The following NHSL1 variants were observed in gnomAD, a reference collection of about 807,000 sequenced individuals.
NHSL1 encodes NHS like 1, also known as NHS-like protein 1.
NHSL1 carries 48 observed loss-of-function variants against 95.0 expected under a neutral mutation model. The ratio of observed to expected loss-of-function variants is 0.51; its 90% confidence interval spans 0.40 to 0.64. The LOEUF is 0.64. Among genes scored for constraint, NHSL1 ranks in the 30% least tolerant of loss-of-function variants. The pLI is 0.00. For synonymous variants in NHSL1, 783 were observed against 833.9 expected (o/e 0.94, Z 1.05); for missense variants, 1,971 against 2,077.7 (o/e 0.95, Z 1.00).
intron 1 of NHSL1, among the ~76,000 whole-genome samples, chr6:138,666,060 T>C (rs1403491539): frequency 6.6e-6 from 1 of 152,236 alleles, no homozygotes; most frequent in East Asian, 1.9e-4. Context: ...TCCCAGCACT[T>C]TGGGAGGCCA....
At chr6:138,649,356 T>C (rs1376847078) in intron 1 of NHSL1, among the ~76,000 whole-genome samples, 1 of 151,966 alleles carries the variant, frequency 6.6e-6, no homozygotes, top group Non-Finnish European at 1.5e-5. Context: ...TGAAACTTGA[T>C]ACTCTATGGA....
chr6:138,621,877 G>C (rs1469381931), intron 1 of NHSL1, among the ~76,000 whole-genome samples: 3 of 152,180 alleles, frequency 2.0e-5, no homozygotes, highest in Middle Eastern at 3.2e-3. Flanking sequence ...CCCTAGCAAG[G>C]AGGCAGCACT....
rs1320201452 is a variant in NHSL1, at chr6:138,432,581, G to C, written c.1764C>G (p.Asp588Glu). Reference protein sequence around the residue: ...PTSNMSSCSLDQTSNKEDAGS... With the variant: ...PTSNMSSCSLEQTSNKEDAGS... ...CAGCATCCTCTTTGTTGGACGTTTGGTCCAAACTGCAGCTGCTCATGTTAC... is the reference window on the plus strand; with the variant it reads ...CAGCATCCTCTTTGTTGGACGTTTGCTCCAAACTGCAGCTGCTCATGTTAC... Residue 588 changes from aspartate to glutamate, a missense_variant, in exon 6 of 8, where the codon GAC becomes GAG. This residue lies in a region of NHSL1 where 1,602 missense variants were observed against 1,654.5 expected (regional missense o/e 0.97). Coordinates refer to ENST00000343505, the MANE Select transcript of NHSL1 (RefSeq NM_001144060.2). This position sits in a 1 kb window ranked among gnomAD's most constrained non-coding sequence, Gnocchi z 4.4. The C allele has an allele frequency of 1.3e-6, 2 of 1,551,876 alleles. No homozygotes were observed. The highest frequency in any genetic ancestry group is 3.9e-5 in the Admixed American group (2 of 51,012).
At chr6:138,482,362 C>T (rs1779468843) in intron 2 of NHSL1, among the ~76,000 whole-genome samples, 1 of 149,302 alleles carries the variant, frequency 6.7e-6, no homozygotes, top group African/African-American at 2.5e-5. Flanking sequence ...AGGAGAATTG[C>T]TTGAACCCGG....
chr6:138,674,007 T>G (rs529443519), intron 1 of NHSL1, among the ~76,000 whole-genome samples: 1 of 152,362 alleles, frequency 6.6e-6, no homozygotes, highest in East Asian at 1.9e-4. Context: ...TTGAATGTTT[T>G]CTTGTATTTT....
intron 7 of NHSL1, among the ~76,000 whole-genome samples, chr6:138,428,657 G>T (rs1286181506): frequency 6.6e-6 from 1 of 152,196 alleles, no homozygotes; most frequent in Non-Finnish European, 1.5e-5. Context: ...GTTTCAGGTA[G>T]GTACAGCACT....
chr6:138,676,398 C>T (rs1237285738), intron 1 of NHSL1, among the ~76,000 whole-genome samples: 4 of 151,574 alleles, frequency 2.6e-5, no homozygotes, highest in African/African-American at 9.7e-5. Flanking sequence ...TTAAAATACA[C>T]TCAGAAAAAA....
intron 1 of NHSL1, among the ~76,000 whole-genome samples, chr6:138,635,172 A>G (rs553200042): frequency 1.3e-5 from 2 of 152,246 alleles, no homozygotes; most frequent in African/African-American, 4.8e-5. Flanking sequence ...AAGAAAAGAA[A>G]TAATAAAAGA....
Position 138,432,352 on chromosome 6 carries a change from A to G in NHSL1, c.1993T>C (p.Leu665=). 1 of 1,551,688 alleles carries G rather than the reference A, an allele frequency of 6.4e-7. No homozygotes were observed. The highest frequency in any genetic ancestry group is 8.7e-7 in the Non-Finnish European group (1 of 1,147,016). The change falls in exon 6 of 8, where the codon TTG becomes CTG. Residue 665 remains leucine (L), a synonymous_variant. Transcript: ENST00000343505. The surrounding 1 kb of genome is among the most constrained non-coding windows in gnomAD (Gnocchi z 4.4). ...AGGGGAGGCTTCTTTGCTTTCTTCAAAGAGATGTTTCTTGATAGGGATTTA... is the reference window on the plus strand; with the variant it reads ...AGGGGAGGCTTCTTTGCTTTCTTCAGAGAGATGTTTCTTGATAGGGATTTA... ...QDKSLSRNIS[L]KKAKKPPLPP...
chr6:138,692,202 A>C lies in NHSL1; in HGVS notation c.96+274T>G, dbSNP rs1346331757. 2.2e-6 allele frequency: 1 copy of C among 456,730 alleles called. No individual in the cohort carries two copies. Among genetic ancestry groups the C allele is most frequent in the African/African-American group, 2.0e-5 (1 of 50,200 alleles). The allele number at this position is 456,730 out of a possible 1,614,324, so 28.3% of individuals were successfully genotyped here. ...CAAACAGACAGACACAGACAGACAG[A>C]AGGAGCAGACAAGGGGACTGTCCAA... On this transcript the variant is annotated intron_variant, in intron 1 of 3. Coordinates refer to the NHSL1 transcript ENST00000491526. This position sits in a 1 kb window ranked among gnomAD's most constrained non-coding sequence, Gnocchi z 4.0.
At chr6:138,639,886 C>CT (rs35629338) in intron 1 of NHSL1, among the ~76,000 whole-genome samples, 25,803 of 123,132 alleles carry the variant, frequency 0.21, 2,554 homozygotes, top group South Asian at 0.27. Context: ...CAAATTTTAG[C>CT]TTTTTTTTTT....
chr6:138,440,101 T>C (rs1462009183), intron 5 of NHSL1, among the ~76,000 whole-genome samples: 1 of 152,148 alleles, frequency 6.6e-6, no homozygotes. Context: ...TGGGCCACAC[T>C]ATCCTTCTGA....
At chr6:138,446,781 A>G in intron 4 of NHSL1, 1 of 544,256 alleles carries the variant, frequency 1.8e-6, no homozygotes, top group Non-Finnish European at 3.3e-6. Flanking sequence ...GTTCTTTGAC[A>G]CCAGTGTTTG....
chr6:138,596,952 A>T (rs1011556364), intron 1 of NHSL1, among the ~76,000 whole-genome samples: 2 of 152,088 alleles, frequency 1.3e-5, no homozygotes, highest in African/African-American at 4.8e-5. Flanking sequence ...ACCTACCAGG[A>T]GATTGAGATC....
At chr6:138,677,658 AGC>A (rs1415380294) in intron 1 of NHSL1, among the ~76,000 whole-genome samples, 6 of 152,174 alleles carry the variant, frequency 3.9e-5, no homozygotes, top group African/African-American at 1.4e-4. Context: ...CACTGCCCCA[AGC>A]AGAGCCCACA....
At chr6:138,448,944 G>T (rs1777043133) in intron 3 of NHSL1, among the ~76,000 whole-genome samples, 1 of 151,496 alleles carries the variant, frequency 6.6e-6, no homozygotes, top group South Asian at 2.1e-4. Context: ...CCCAGCTATT[G>T]GGGAGGCTGA....
intron 2 of NHSL1, among the ~76,000 whole-genome samples, chr6:138,491,078 A>G (rs978967012): frequency 1.3e-5 from 2 of 152,216 alleles, no homozygotes; most frequent in Non-Finnish European, 2.9e-5. Flanking sequence ...CTGACTTTGA[A>G]TGACATAGGC....
At chr6:138,502,543 C>T (rs1780743692), upstream of NHSL1, among the ~76,000 whole-genome samples, 1 of 152,012 alleles carries the variant, frequency 6.6e-6, no homozygotes, top group Non-Finnish European at 1.5e-5. Flanking sequence ...AAACTCCTGG[C>T]CTCCAGCAAT....
intron 1 of NHSL1, among the ~76,000 whole-genome samples, chr6:138,634,502 A>C (rs1435349512): frequency 1.3e-5 from 2 of 152,186 alleles, no homozygotes; most frequent in South Asian, 2.1e-4. Flanking sequence ...ATTCAGCAAG[A>C]GGATATAACA....
Sources: allele counts gnomAD v4.1 joint callset (sites outside exome capture counted in the v4.1 genomes callset), GRCh38; gene constraint gnomAD v4.1.1; regional missense constraint gnomAD v4.1.1; non-coding constraint Gnocchi (gnomAD v3.1); transcripts MANE v1.5; gene names NCBI Gene and HGNC (gene_info 2026-07-23, HGNC 2026-07-21).